The following SKIC3 variants were observed in gnomAD, a reference collection of about 807,000 sequenced individuals.
SKIC3 encodes SKI3 subunit of superkiller complex.
At chr5:95,494,593 A>G in the SKIC3 span, 1 of 1,294,600 alleles carries the variant, frequency 7.7e-7, no homozygotes, top group Non-Finnish European at 1.1e-6. Flanking sequence ...AATAAAATAT[A>G]TATTGTGTGC....
the SKIC3 span, chr5:95,528,966 C>T: frequency 6.4e-7 from 1 of 1,568,666 alleles, no homozygotes. Flanking sequence ...GGGTTGGTCA[C>T]CCTTATATGT....
chr5:95,516,213 A>T, the SKIC3 span: 1 of 793,216 alleles, frequency 1.3e-6, no homozygotes. Context: ...AATATCATCA[A>T]TTAACTAGCA....
the SKIC3 span, chr5:95,517,246 C>A: frequency 6.2e-7 from 1 of 1,613,196 alleles, no homozygotes; most frequent in Non-Finnish European, 8.5e-7. Flanking sequence ...TTAGATGGTG[C>A]GACAGCATAC....
At chr5:95,466,347 T>C in the SKIC3 span, among the ~76,000 whole-genome samples, 2 of 152,308 alleles carry the variant, frequency 1.3e-5, no homozygotes, top group Non-Finnish European at 2.9e-5. Flanking sequence ...TAGGATTCTG[T>C]TACCTCTAAC....
chr5:95,486,885 G>A, the SKIC3 span, among the ~76,000 whole-genome samples: 1 of 152,140 alleles, frequency 6.6e-6, no homozygotes, highest in South Asian at 2.1e-4. Flanking sequence ...GTGCTGCCCA[G>A]GGACTCAAGA....
chr5:95,526,650 T>C, the SKIC3 span, among the ~76,000 whole-genome samples: 1 of 152,056 alleles, frequency 6.6e-6, no homozygotes, highest in Non-Finnish European at 1.5e-5. Context: ...ATTTTTCTAT[T>C]TTTAGTAGAG....
chr5:95,488,522 T>G, the SKIC3 span, among the ~76,000 whole-genome samples: 1 of 152,084 alleles, frequency 6.6e-6, no homozygotes. Flanking sequence ...GAGAATAAGA[T>G]AATATATCCA....
chr5:95,509,378 A>G, the SKIC3 span, among the ~76,000 whole-genome samples: 1 of 152,270 alleles, frequency 6.6e-6, no homozygotes, highest in Non-Finnish European at 1.5e-5. Context: ...CTCTCAGCAA[A>G]GCGAGAGGGG....
the SKIC3 span, among the ~76,000 whole-genome samples, chr5:95,465,323 G>C: frequency 6.6e-6 from 1 of 152,146 alleles, no homozygotes; most frequent in Non-Finnish European, 1.5e-5. Context: ...TACTCAAAAA[G>C]ACTACTTTAT....
chr5:95,484,752 A>G, the SKIC3 span: 1 of 1,614,198 alleles, frequency 6.2e-7, no homozygotes. Context: ...AGCTTCAGAT[A>G]TTCTTCCTGT....
At chr5:95,547,099 T>G in the SKIC3 span, 2 of 1,613,368 alleles carry the variant, frequency 1.2e-6, no homozygotes, top group Non-Finnish European at 1.7e-6. Context: ...TCTTTGTTTC[T>G]GATTGCATCT....
At chr5:95,489,520 TA>T in the SKIC3 span, among the ~76,000 whole-genome samples, 23,161 of 116,530 alleles carry the variant, frequency 0.2, 2,599 homozygotes, top group African/African-American at 0.36. Flanking sequence ...GGCAACCAGT[TA>T]AAAAAAAAAA....
the SKIC3 span, among the ~76,000 whole-genome samples, chr5:95,545,413 G>A: frequency 6.6e-6 from 1 of 152,006 alleles, no homozygotes; most frequent in Non-Finnish European, 1.5e-5. Context: ...CATGTATACT[G>A]CCCAGTCTTG....
the SKIC3 span, chr5:95,525,627 A>G: frequency 1.2e-6 from 2 of 1,613,956 alleles, no homozygotes; most frequent in African/African-American, 2.7e-5. Context: ...CCGATAGGCC[A>G]AGCTTTTGAG....
chr5:95,490,504 A>ATATTT, the SKIC3 span, among the ~76,000 whole-genome samples: 3 of 144,262 alleles, frequency 2.1e-5, no homozygotes, highest in Admixed American at 6.9e-5. Flanking sequence ...ATATATATAT[A>ATATTT]TTTTTTTTTT....
chr5:95,494,544 T>C, the SKIC3 span: 1 of 853,798 alleles, frequency 1.2e-6, no homozygotes, highest in Admixed American at 2.1e-5. Flanking sequence ...TTGTAGAAGA[T>C]CTAAATTACA....
the SKIC3 span, chr5:95,512,399 A>G: frequency 6.7e-7 from 1 of 1,494,206 alleles, no homozygotes; most frequent in Non-Finnish European, 9.1e-7. Flanking sequence ...TTAATTTGAC[A>G]TGAATTAATT....
chr5:95,474,076 G>C, the SKIC3 span, among the ~76,000 whole-genome samples: 1 of 152,288 alleles, frequency 6.6e-6, no homozygotes, highest in East Asian at 1.9e-4. Context: ...TCTTGAGTTA[G>C]TTTGTATATA....
At chr5:95,525,664 C>T in the SKIC3 span, 14 of 1,613,906 alleles carry the variant, frequency 8.7e-6, no homozygotes, top group South Asian at 1.4e-4. Flanking sequence ...ATATTATCTG[C>T]ATCAGAAATC....
Sources: allele counts gnomAD v4.1 joint callset (sites outside exome capture counted in the v4.1 genomes callset), GRCh38; gene constraint gnomAD v4.1.1; transcripts MANE v1.5; gene names NCBI Gene and HGNC (gene_info 2026-07-23, HGNC 2026-07-21).